CACNB3: variants seen among roughly 807,000 people sequenced by gnomAD.
CACNB3 encodes voltage-dependent L-type calcium channel subunit beta-3.
In CACNB3, 36 loss-of-function variants were observed where a neutral mutation model predicts 63.7. That is an observed-to-expected ratio of 0.57 (90% CI 0.43 to 0.75). The LOEUF (loss-of-function observed/expected upper bound fraction) is 0.75, where lower values mean the gene tolerates loss of function less well. CACNB3 is among the 30% of genes least tolerant of loss of function. The probability of loss-of-function intolerance (pLI) is 0.00; values close to 1 mark genes in which losing one functional copy is unlikely to be tolerated. For synonymous variants in CACNB3, 241 were observed against 250.6 expected, an observed-to-expected ratio of 0.96 and a Z score of 0.36; for missense variants, 493 against 648.6, an observed-to-expected ratio of 0.76 and a Z score of 2.61.
chr12:48,815,737 G>T (rs1033354885), upstream of CACNB3: 21 of 1,370,146 alleles, frequency 1.5e-5, no homozygotes, highest in Middle Eastern at 5.4e-4. Flanking sequence ...AGGTAACCGT[G>T]GGGGGGGTGT....
rs1025242309 is a variant in CACNB3, at chr12:48,828,762, T to C, written c.*863T>C. ...TCTTTGGAGAACCGGGCTCCAGACT[T>C]TGTTCCCTGACTCATAGCTGCCGCT... On this transcript the variant is annotated 3_prime_UTR_variant, in exon 13 of 13. Transcript: ENST00000301050. 1.1e-4 allele frequency: 51 copies of C among 456,304 alleles called. No homozygotes were observed. The highest frequency in any genetic ancestry group is 2.0e-4 in the Non-Finnish European group (46 of 226,766). The allele number at this position is 456,304 out of a possible 1,614,324, so 28.3% of individuals were successfully genotyped here.
chr12:48,819,113 G>A, intron 1 of CACNB3, 139 bp downstream of exon 1: 3 of 903,110 alleles, frequency 3.3e-6, no homozygotes, highest in Non-Finnish European at 3.4e-6. Flanking sequence ...TAAGAACGTG[G>A]GGAGATGGAT....
chr12:48,823,229 C>T lies in CACNB3; in HGVS notation c.46-115C>T, dbSNP rs751895397. Reference sequence around the variant, plus strand: ...GAGGGGCCATAGGGACCCAGCTATCCCCTTGGAGATGGAGAAACTGGGGGC... The same window carrying T: ...GAGGGGCCATAGGGACCCAGCTATCTCCTTGGAGATGGAGAAACTGGGGGC... On this transcript the variant is annotated intron_variant, in intron 1 of 12. Transcript: ENST00000301050. The surrounding 1 kb of genome is among the most constrained non-coding windows in gnomAD (Gnocchi z 4.2). 4.4e-6 allele frequency: 6 copies of T among 1,354,198 alleles called. No individual in the cohort carries two copies. Among genetic ancestry groups the T allele is most frequent in the Non-Finnish European group, 5.1e-6 (5 of 984,442 alleles). The allele number at this position is 1,354,198 out of a possible 1,614,324, so 83.9% of individuals were successfully genotyped here.
chr12:48,815,916 G>C (rs1942277559), upstream of CACNB3, among the ~76,000 whole-genome samples: 1 of 152,166 alleles, frequency 6.6e-6, no homozygotes, highest in South Asian at 2.1e-4. Context: ...AGCGGCCAGA[G>C]CTGGCAGCTT....
rs551606024 is a variant in CACNB3 at position 48,827,505 on chromosome 12, G to A, written c.1141-80G>A. 1.4e-5 allele frequency: 18 copies of A among 1,295,076 alleles called. No homozygotes were observed. In the African/African-American group the frequency reaches 1.5e-4, roughly 11 times the overall value. 80.2% of individuals were successfully genotyped at this position (1,295,076 alleles called of 1,614,324 possible). ...CCTTTACCGGGGAATTGAGAGTTGA[G>A]GGGGGAAGAATCTCGCACCTCACCA... On this transcript the variant is annotated intron_variant, in intron 12 of 12. Transcript: ENST00000301050.
upstream of CACNB3, chr12:48,814,825 T>C (rs939298284): frequency 2.9e-5 from 11 of 373,288 alleles, no homozygotes; most frequent in African/African-American, 2.3e-4. This position sits in a 1 kb window ranked among gnomAD's most constrained non-coding sequence, Gnocchi z 6.9. Flanking sequence ...TGCCGCCACC[T>C]GGAGGGCGCG....
chr12:48,824,051 C>T, intron 3 of CACNB3: 2 of 663,354 alleles, frequency 3.0e-6, no homozygotes, highest in Non-Finnish European at 5.1e-6. Context: ...CTCCGAGGTC[C>T]CCTGTGACAG....
intron 1 of CACNB3, chr12:48,820,523 C>T (rs572329133): frequency 5.9e-5 from 9 of 152,330 alleles, no homozygotes; most frequent in East Asian, 5.8e-4. Context: ...ATAAATCCAA[C>T]GGCTCATCTC....
Position 48,823,404 on chromosome 12 carries a change from G to T in CACNB3, c.106G>T (p.Asp36Tyr). ...SLDSDVSLEE[D>Y]RESARREVES... ...GGACTCAGACGTCTCCCTGGAGGAGGACCGGGAGAGTGCCCGGCGTGAAGT... is the reference window on the plus strand; with the variant it reads ...GGACTCAGACGTCTCCCTGGAGGAGTACCGGGAGAGTGCCCGGCGTGAAGT... The change falls in exon 2 of 13, where the codon GAC becomes TAC. Residue 36 changes from aspartate (D) to tyrosine (Y), a missense_variant. Asp to Tyr is a radical substitution (Grantham distance 160, BLOSUM62 -3). Coordinates refer to ENST00000301050, the MANE Select transcript of CACNB3 (RefSeq NM_000725.4). The surrounding 1 kb of genome is among the most constrained non-coding windows in gnomAD (Gnocchi z 4.2). 6.2e-7 allele frequency: 1 copy of T among 1,614,154 alleles called. No homozygotes were observed. Among genetic ancestry groups the T allele is most frequent in the South Asian group, 1.1e-5 (1 of 91,080 alleles).
chr12:48,826,343 C>T lies in CACNB3; in HGVS notation c.743-24C>T. The T allele has an allele frequency of 3.1e-6, 5 of 1,613,470 alleles. No individual in the cohort carries two copies. Among genetic ancestry groups the T allele is most frequent in the Non-Finnish European group, 4.2e-6 (5 of 1,179,584 alleles). On this transcript the variant is annotated intron_variant, in intron 9 of 12. Transcript: ENST00000301050. The surrounding 1 kb of genome is among the most constrained non-coding windows in gnomAD (Gnocchi z 4.8). The stretch of plus-strand genomic sequence containing the variant: ...AGCAGTGGGCAGAGCTCCTGGTGAG[C>T]ACTGCTGCTGCCTCCCTCCATAGCG...
At chr12:48,819,491 G>A (rs1186097178) in intron 1 of CACNB3, 2 of 290,372 alleles carry the variant, frequency 6.9e-6, no homozygotes, top group East Asian at 9.6e-5. Flanking sequence ...AACTTGAGGA[G>A]CTCCATTATT....
At chr12:48,824,525 A>G (rs1938022281) in intron 4 of CACNB3, 144 bp from the exon 5 acceptor site, 6 of 1,037,886 alleles carry the variant, frequency 5.8e-6, no homozygotes, top group South Asian at 1.5e-5. Context: ...AAACAAATCT[A>G]CAAACACACA....
upstream of CACNB3, chr12:48,817,364 C>T (rs1942310522): frequency 6.6e-6 from 1 of 152,226 alleles, no homozygotes; most frequent in Admixed American, 6.5e-5. Context: ...TCTGATTCTC[C>T]TCAAGCCAAG....
Position 48,828,544 on chromosome 12 carries a change from C to T in CACNB3, c.*645C>T. Reference sequence around the variant, plus strand: ...CTTGGAGGGAAGGGCTCTCCTCACCCTGCCAGGAAGCTTCTTAACATGTGA... The same window carrying T: ...CTTGGAGGGAAGGGCTCTCCTCACCTTGCCAGGAAGCTTCTTAACATGTGA... On this transcript the variant is annotated 3_prime_UTR_variant, in exon 13 of 13. Transcript: ENST00000301050. 7.6e-6 allele frequency: 3 copies of T among 394,866 alleles called. No individual in the cohort carries two copies. The highest frequency in any genetic ancestry group is 3.7e-5 in the South Asian group (2 of 53,834). The allele number at this position is 394,866 out of a possible 1,614,324, so 24.5% of individuals were successfully genotyped here.
upstream of CACNB3, chr12:48,815,823 G>C: frequency 1.2e-6 from 1 of 850,492 alleles, no homozygotes; most frequent in Non-Finnish European, 1.9e-6. Flanking sequence ...CACGCGTTTG[G>C]GGGAGACTGC....
intron 1 of CACNB3, chr12:48,820,701 A>C (rs1234729741): frequency 1.3e-5 from 2 of 152,210 alleles, no homozygotes; most frequent in Non-Finnish European, 2.9e-5. Context: ...AAGACCCTAG[A>C]TCATGCTTGG....
At position 48,828,639 on chromosome 12, in the gene CACNB3, G is replaced by A; in HGVS notation, c.*740G>A. 2.2e-6 allele frequency: 1 copy of A among 456,014 alleles called. No homozygotes were observed. The highest frequency in any genetic ancestry group is 6.9e-5 in the East Asian group (1 of 14,394). The allele number at this position is 456,014 out of a possible 1,614,324, so 28.2% of individuals were successfully genotyped here. A position where few individuals can be genotyped will look rare whatever the true frequency, so the allele number is the denominator to read the frequency against. On this transcript the variant is annotated 3_prime_UTR_variant, in exon 13 of 13. Coordinates refer to ENST00000301050, the MANE Select transcript of CACNB3 (RefSeq NM_000725.4). ...GAGCCAACCTGGATGGGGGTTTGGG[G>A]AAGGAGGGCATGTGTAGCAGAGAAC... is the stretch of plus-strand genomic sequence containing the variant.
At position 48,827,045 on chromosome 12, in the gene CACNB3, G is replaced by A; in HGVS notation, c.1062G>A (p.Glu354=). The A allele has an allele frequency of 1.9e-6, 3 of 1,614,026 alleles. No individual in the cohort carries two copies. The highest frequency in any genetic ancestry group is 2.2e-5 in the South Asian group (2 of 91,068). Residue 354 remains glutamate (E), a synonymous_variant, in exon 12 of 13, where the codon GAG becomes GAA. Coordinates refer to ENST00000301050, the MANE Select transcript of CACNB3 (RefSeq NM_000725.4). The stretch of plus-strand genomic sequence containing the variant: ...GTGAGCACCTGGCTGAGTACCTGGA[G>A]GTTTACTGGCGGGCCACGCACCACC... ...DACEHLAEYL[E]VYWRATHHPA...
At chr12:48,818,381 G>T, upstream of CACNB3, 1 of 897,820 alleles carries the variant, frequency 1.1e-6, no homozygotes, top group Non-Finnish European at 1.3e-6. This position sits in a 1 kb window ranked among gnomAD's most constrained non-coding sequence, Gnocchi z 4.3. Context: ...CTCCCCCGCC[G>T]CAGCCCTTTG....
Sources: gnomAD v4.1 joint callset for allele counts (sites outside exome capture counted in the v4.1 genomes callset) on GRCh38, gnomAD v4.1.1 for gene constraint, Gnocchi (gnomAD v3.1) non-coding constraint, MANE v1.5 for transcripts, NCBI Gene and HGNC (gene_info 2026-07-23, HGNC 2026-07-21) for gene names.